Variants in GFM1 observed in about 807,000 individuals in gnomAD.
The protein encoded by GFM1 is G elongation factor mitochondrial 1.
A neutral mutation model predicts 96.2 loss-of-function variants in GFM1; 62 were observed. The observed-to-expected ratio is 0.64, with a 90% confidence interval of 0.53 to 0.80. The LOEUF (loss-of-function observed/expected upper bound fraction) is 0.80, where lower values mean the gene tolerates loss of function less well. Ranked by LOEUF, GFM1 falls within the 30% of genes least tolerant of loss-of-function variation. The probability of loss-of-function intolerance (pLI) is 0.00; values close to 1 mark genes in which losing one functional copy is unlikely to be tolerated. For synonymous variants in GFM1, 282 were observed against 312.9 expected, an observed-to-expected ratio of 0.90 and a Z score of 1.04; for missense variants, 852 against 916.6, an observed-to-expected ratio of 0.93 and a Z score of 0.91.
At chr3:158,655,693 G>C (rs1722693268) in intron 8 of GFM1, 1 of 269,982 alleles carries the variant, frequency 3.7e-6, no homozygotes, top group South Asian at 3.9e-5. Context: ...GAGAATTCCT[G>C]TATATCCTGC....
chr3:158,649,905 A>G (rs1215617002), intron 5 of GFM1: 1 of 994,060 alleles, frequency 1.0e-6, no homozygotes, highest in Non-Finnish European at 1.5e-6. Context: ...ACAGGTCTGC[A>G]GACCACACTT....
intron 15 of GFM1, chr3:158,684,971 G>A (rs2108103688): frequency 3.8e-6 from 1 of 260,080 alleles, no homozygotes; most frequent in South Asian, 6.4e-5. Context: ...CAGAATTCTA[G>A]GAAATTTTTA....
At chr3:158,680,970 G>C (rs915097544) in intron 13 of GFM1, among the ~76,000 whole-genome samples, 1 of 152,138 alleles carries the variant, frequency 6.6e-6, no homozygotes, top group African/African-American at 2.4e-5. Flanking sequence ...TCTAGAGTAT[G>C]TTTGTATAGA....
chr3:158,690,141 C>G, intron 15 of GFM1, 22 bp from the exon 16 acceptor site: 1 of 1,401,464 alleles, frequency 7.1e-7, no homozygotes. Flanking sequence ...GACTAATGAA[C>G]TTTTTTTTTT....
At chr3:158,653,865 G>A (rs1722505578) in intron 7 of GFM1, among the ~76,000 whole-genome samples, 1 of 152,114 alleles carries the variant, frequency 6.6e-6, no homozygotes, top group African/African-American at 2.4e-5. Context: ...GAGGTTGGGA[G>A]TTTGAGACCA....
Position 158,691,350 on chromosome 3 carries a change from C to G in GFM1, c.2139C>G (p.Tyr713Ter). 6.2e-7 allele frequency: 1 copy of G among 1,613,624 alleles called. No homozygotes were observed. Among genetic ancestry groups the G allele is most frequent in the Non-Finnish European group, 8.5e-7 (1 of 1,179,774 alleles). The change falls in exon 18 of 18, where the codon TAC becomes TAG. Residue 713 changes from tyrosine (Y) to a stop codon, truncating the protein, a stop_gained. Transcript: ENST00000486715. LOFTEE classifies it high-confidence loss of function. ...TAAATCCCTAGGGAAAGGGAGAATA[C>G]ACAATGGAGTATAGCAGGTATCAGC... The part of the protein sequence containing the change: ...LRSCTEGKGE[Y>*]TMEYSRYQPC...
chr3:158,667,483 C>G (rs936536235), intron 13 of GFM1, among the ~76,000 whole-genome samples: 5 of 152,144 alleles, frequency 3.3e-5, no homozygotes, highest in Admixed American at 6.5e-5. Context: ...CAGAAATTCT[C>G]TTTTTGAAAA....
At position 158,686,143 on chromosome 3, in the gene GFM1, G is replaced by GAT. The variant is rs1419232301; in HGVS notation, c.1909+1483_1909+1484dup. Among the ~76,000 whole-genome samples the GAT allele has an allele frequency of 7.4e-5, 11 of 148,612 alleles. No individual in the cohort carries two copies. In the East Asian group the frequency reaches 2.2e-3, roughly 29 times the overall value. Reference sequence around the variant, plus strand: ...TGTGGCCATATACATTTTCCCACAGGATATATATAATATGTTATATATTAT... The same window carrying GAT: ...TGTGGCCATATACATTTTCCCACAGGATATATATATAATATGTTATATATTAT... On this transcript the variant is annotated intron_variant, in intron 15 of 17. Coordinates refer to ENST00000486715, the MANE Select transcript of GFM1 (RefSeq NM_024996.7).
chr3:158,648,240 CT>C (rs1233365700), intron 4 of GFM1, among the ~76,000 whole-genome samples: 1 of 152,086 alleles, frequency 6.6e-6, no homozygotes, highest in African/African-American at 2.4e-5. Context: ...CTCTTTCAAG[CT>C]TTTGGTTTCC....
rs397842738 is a variant in GFM1, at chr3:158,658,157, C to CT, written c.1084-742dup. The stretch of plus-strand genomic sequence containing the variant: ...GTATATTCAATCACTTCACAGAACT[C>CT]TTTTTTTTTTTTTTTTTTTTTTTGA... On this transcript the variant is annotated intron_variant, in intron 8 of 17. Transcript: ENST00000486715. Among the ~76,000 whole-genome samples the CT allele has an allele frequency of 7.3e-3, 715 of 97,308 alleles. 25 individuals carry two copies. The highest frequency in any genetic ancestry group is 0.017 in the East Asian group (57 of 3,434). 63.8% of individuals were successfully genotyped at this position (97,308 alleles called of 152,430 possible). A position where few individuals can be genotyped will look rare whatever the true frequency, so the allele number is the denominator to read the frequency against.
At chr3:158,667,204 T>A in intron 13 of GFM1, 1 of 1,025,378 alleles carries the variant, frequency 9.8e-7, no homozygotes, top group Non-Finnish European at 1.3e-6. Context: ...AAATTGAATG[T>A]CATAATTTCA....
Position 158,649,139 on chromosome 3 carries a change from A to G in GFM1, c.671A>G (p.Tyr224Cys), listed in dbSNP as rs763401146. The G allele has an allele frequency of 3.5e-6, 5 of 1,409,198 alleles. No individual in the cohort carries two copies. The highest frequency in any genetic ancestry group is 1.2e-5 in the South Asian group (1 of 86,612). The allele number at this position is 1,409,198 out of a possible 1,614,324, so 87.3% of individuals were successfully genotyped here. ...IVDLIEERAI[Y>C]FDGDFGQIVR... ...GATCTTATTGAGGAACGAGCCATCTATTTTGATGGAGACTTTGGGTAAGTG... is the reference window on the plus strand; with the variant it reads ...GATCTTATTGAGGAACGAGCCATCTGTTTTGATGGAGACTTTGGGTAAGTG... The change falls in exon 5 of 18, where the codon TAT becomes TGT. Residue 224 changes from tyrosine (Y) to cysteine (C), a missense_variant. Transcript: ENST00000486715.
intron 11 of GFM1, among the ~76,000 whole-genome samples, chr3:158,664,336 T>C (rs2108048187): frequency 6.6e-6 from 1 of 152,352 alleles, no homozygotes; most frequent in South Asian, 2.1e-4. Context: ...AATCAAGATA[T>C]TGGTAATGTT....
At chr3:158,663,963 G>GA (rs1427098756) in intron 11 of GFM1, among the ~76,000 whole-genome samples, 1 of 152,136 alleles carries the variant, frequency 6.6e-6, no homozygotes, top group Non-Finnish European at 1.5e-5. Context: ...GGCTTGTGCA[G>GA]AAAAAAGGCA....
At chr3:158,650,149 T>C in intron 5 of GFM1, 1 of 1,082,404 alleles carries the variant, frequency 9.2e-7, no homozygotes, top group South Asian at 1.3e-5. Flanking sequence ...GTCTGTCCAG[T>C]GGATAAGGTG....
At position 158,685,842 on chromosome 3, in the gene GFM1, G is replaced by T. The variant is rs573582991; in HGVS notation, c.1909+1174G>T. 8.5e-4 allele frequency among the ~76,000 whole-genome samples: 130 copies of T among 152,226 alleles called. 1 individual carries two copies. Among genetic ancestry groups the T allele is most frequent in the Non-Finnish European group, 1.6e-3 (112 of 67,992 alleles). ...AAAATACTTGTCTTTTTACCTCTGT[G>T]TGTTTACCACTTTAGTATGTCTTAA... On this transcript the variant is annotated intron_variant, in intron 15 of 17. Transcript: ENST00000486715.
Position 158,666,616 on chromosome 3 carries a change from T to C in GFM1, c.1601+230T>C, listed in dbSNP as rs538342638. 1.1e-5 allele frequency: 17 copies of C among 1,565,896 alleles called. No homozygotes were observed. The South Asian group carries it at 1.7e-4, about 15-fold the overall frequency. On this transcript the variant is annotated intron_variant, in intron 13 of 17. Coordinates refer to ENST00000486715, the MANE Select transcript of GFM1 (RefSeq NM_024996.7). ...AAATTGGCATACACATCAATAGACA[T>C]GTTTACACTTCCAGTGTTAGGGTTT...
chr3:158,659,805 T>C (rs1723049790), intron 9 of GFM1, among the ~76,000 whole-genome samples: 1 of 152,236 alleles, frequency 6.6e-6, no homozygotes, highest in Non-Finnish European at 1.5e-5. Flanking sequence ...CCATAACTTT[T>C]GTTTCTTCTA....
At chr3:158,660,624 A>G in intron 9 of GFM1, 1 of 488,238 alleles carries the variant, frequency 2.0e-6, no homozygotes, top group Non-Finnish European at 3.7e-6. Context: ...AGCTCCTTCA[A>G]GTAATGAGTT....
Sources: gnomAD v4.1 joint callset for allele counts (sites outside exome capture counted in the v4.1 genomes callset) on GRCh38, gnomAD v4.1.1 for gene constraint, MANE v1.5 for transcripts, NCBI Gene and HGNC (gene_info 2026-07-23, HGNC 2026-07-21) for gene names.